The following RIMBP2 variants were observed in gnomAD, a reference collection of about 807,000 sequenced individuals.
The protein encoded by RIMBP2 is RIMS-binding protein 2.
In RIMBP2, 48 loss-of-function variants were observed where a neutral mutation model predicts 118.6. That is an observed-to-expected ratio of 0.40 (90% CI 0.32 to 0.51). The LOEUF (loss-of-function observed/expected upper bound fraction) is 0.51. RIMBP2 is among the 20% of genes least tolerant of loss of function. The probability of loss-of-function intolerance (pLI) is 0.41; values close to 1 mark genes in which losing one functional copy is unlikely to be tolerated. For missense variants in RIMBP2, 1,551 were observed against 1,768.3 expected (o/e 0.88, Z 2.20); for synonymous variants, 762 against 742.9 (o/e 1.03, Z -0.42).
Position 130,670,930 on chromosome 12 carries a change from C to T in RIMBP2, c.-351-42474G>A, listed in dbSNP as rs905978560. ...CTGGGATTACAGGTGCCCACCAGTA[C>T]GTCTCTTTTAGTAGACACGGGGTTT... On this transcript the variant is annotated intron_variant, in intron 1 of 22. Coordinates refer to ENST00000690449, the MANE Select transcript of RIMBP2 (RefSeq NM_001393629.1). This position sits in a 1 kb window ranked among gnomAD's most constrained non-coding sequence, Gnocchi z 4.9. Among the ~76,000 whole-genome samples the T allele has an allele frequency of 2.6e-5, 4 of 152,118 alleles. No homozygotes were observed. The highest frequency in any genetic ancestry group is 2.0e-4 in the Admixed American group (3 of 15,264).
At chr12:130,532,066 C>T (rs1351288212) in intron 2 of RIMBP2, among the ~76,000 whole-genome samples, 3 of 127,506 alleles carry the variant, frequency 2.4e-5, no homozygotes, top group Non-Finnish European at 1.6e-5. Flanking sequence ...CTAGGAGGTA[C>T]GTCTAATGAG....
intron 7 of RIMBP2, among the ~76,000 whole-genome samples, chr12:130,455,980 C>G (rs1332813270): frequency 6.6e-6 from 1 of 152,180 alleles, no homozygotes; most frequent in African/African-American, 2.4e-5. Flanking sequence ...CTGTGATGGG[C>G]GAGGGCTCAT....
chr12:130,496,121 T>TC (rs1287156692), intron 4 of RIMBP2, among the ~76,000 whole-genome samples: 1 of 152,168 alleles, frequency 6.6e-6, no homozygotes, highest in Non-Finnish European at 1.5e-5. Context: ...CCAAATCTCA[T>TC]CTTGAATAGT....
intron 1 of RIMBP2, among the ~76,000 whole-genome samples, chr12:130,663,114 C>T (rs923563518): frequency 1.4e-4 from 21 of 152,180 alleles, no homozygotes; most frequent in African/African-American, 4.6e-4. Flanking sequence ...GTTCTGCAGG[C>T]AGGAGGGGCC....
intron 2 of RIMBP2, among the ~76,000 whole-genome samples, chr12:130,540,622 T>C (rs779650195): frequency 2.4e-4 from 37 of 152,106 alleles, no homozygotes; most frequent in Non-Finnish European, 4.1e-4. Flanking sequence ...AGGGACCAAC[T>C]GCTTCCTGCT....
At chr12:130,546,742 G>A (rs531640336) in intron 2 of RIMBP2, among the ~76,000 whole-genome samples, 94 of 152,334 alleles carry the variant, frequency 6.2e-4, no homozygotes, top group African/African-American at 1.9e-3. Flanking sequence ...GCGCGTGGAT[G>A]TGTTAGTCAA....
rs2062871987 is a variant in RIMBP2, at chr12:130,646,058, A to ACCACTTCCCTCT, written c.-351-17603_-351-17602insAGAGGGAAGTGG. On this transcript the variant is annotated intron_variant, in intron 1 of 22. Coordinates refer to ENST00000690449, the MANE Select transcript of RIMBP2 (RefSeq NM_001393629.1). ...AGCCAGTTCCCTCTCCACCTCCCTC[A>ACCACTTCCCTCT]CCACCTGCCTCTCCACCTCCCTCAC... Among the ~76,000 whole-genome samples, 19 of 114,368 alleles carry ACCACTTCCCTCT rather than the reference A, an allele frequency of 1.7e-4. 1 individual carries two copies. The highest frequency in any genetic ancestry group is 1.2e-3 in the South Asian group (4 of 3,448). 75.0% of individuals were successfully genotyped at this position (114,368 alleles called of 152,430 possible).
chr12:130,535,599 A>G (rs1365056362), intron 2 of RIMBP2, among the ~76,000 whole-genome samples: 4 of 151,580 alleles, frequency 2.6e-5, no homozygotes, highest in Non-Finnish European at 5.9e-5. Flanking sequence ...TAATCCTTGC[A>G]ACAAGCCTGT....
chr12:130,616,430 C>G (rs1046150186), intron 2 of RIMBP2, among the ~76,000 whole-genome samples: 1 of 152,186 alleles, frequency 6.6e-6, no homozygotes, highest in Non-Finnish European at 1.5e-5. Flanking sequence ...CGGGCCAGTG[C>G]GGAATCACCT....
rs908426054 is a variant in RIMBP2, at chr12:130,422,157, C to G, written c.3238+296G>C. ...CCCTGAGTGTCCCAGGGAGCCCATG[C>G]CAGGATGAGGGAGGTGACACAAAGT... is the stretch of plus-strand genomic sequence containing the variant. On this transcript the variant is annotated intron_variant, in intron 17 of 22. Transcript: ENST00000690449. The surrounding 1 kb of genome is among the most constrained non-coding windows in gnomAD (Gnocchi z 5.2). Among the ~76,000 whole-genome samples the G allele has an allele frequency of 5.3e-5, 8 of 152,138 alleles. No homozygotes were observed. Among genetic ancestry groups the G allele is most frequent in the Non-Finnish European group, 1.2e-4 (8 of 68,028 alleles).
At chr12:130,457,221 A>C (rs1182972739) in intron 6 of RIMBP2, among the ~76,000 whole-genome samples, 1 of 152,174 alleles carries the variant, frequency 6.6e-6, no homozygotes, top group African/African-American at 2.4e-5. Context: ...GCCCCCTCGG[A>C]CTGTAGAACC....
At chr12:130,456,819 C>T (rs1347856710) in intron 6 of RIMBP2, 119 bp from the exon 7 acceptor site, 4 of 695,452 alleles carry the variant, frequency 5.8e-6, no homozygotes, top group Non-Finnish European at 9.5e-6. Flanking sequence ...TGTGTACACA[C>T]GTGTTGTGTC....
intron 1 of RIMBP2, among the ~76,000 whole-genome samples, chr12:130,645,478 G>A (rs968225946): frequency 1.3e-5 from 2 of 152,264 alleles, no homozygotes; most frequent in East Asian, 1.9e-4. Context: ...ATGTGATATC[G>A]GGTTAACCAG....
At chr12:130,453,961 G>A (rs2079205832) in intron 7 of RIMBP2, among the ~76,000 whole-genome samples, 1 of 152,192 alleles carries the variant, frequency 6.6e-6, no homozygotes, top group South Asian at 2.1e-4. Context: ...GGCTGAGGCA[G>A]GAGAATCGCT....
chr12:130,451,730 G>A (rs541130331), intron 7 of RIMBP2, among the ~76,000 whole-genome samples: 2 of 151,566 alleles, frequency 1.3e-5, no homozygotes, highest in African/African-American at 4.9e-5. Context: ...TGAGGACGGC[G>A]CCTGCTCACA....
intron 1 of RIMBP2, among the ~76,000 whole-genome samples, chr12:130,644,700 C>T (rs933279270): frequency 4.6e-5 from 7 of 152,158 alleles, no homozygotes; most frequent in Admixed American, 6.5e-5. Flanking sequence ...CGAGTGACGT[C>T]GGAAAAGCCA....
In RIMBP2 at chr12:130,580,376, C is replaced by T. The variant is rs571073421; in HGVS notation, c.-217+47946G>A. Among the ~76,000 whole-genome samples, 9 of 152,176 alleles carry T rather than the reference C, an allele frequency of 5.9e-5. 1 individual carries two copies. The South Asian group carries it at 1.9e-3, about 32-fold the overall frequency. On this transcript the variant is annotated intron_variant, in intron 2 of 22. Transcript: ENST00000690449. The stretch of plus-strand genomic sequence containing the variant: ...GTGGTGAATAAGTCTCATGAGGTCT[C>T]ATGGTTTTATGAAAGGGCAGTTCCC...
rs1414468840 is a variant in RIMBP2, at chr12:130,420,559, A to G, written c.3238+1894T>C. ...TGGGAAGGGTTTTTATGATACTAAT[A>G]AAACTTTAAAGCTTCTCACTGCTGA... On this transcript the variant is annotated intron_variant, in intron 17 of 22. Transcript: ENST00000690449. This position sits in a 1 kb window ranked among gnomAD's most constrained non-coding sequence, Gnocchi z 4.3. 6.6e-6 allele frequency among the ~76,000 whole-genome samples: 1 copy of G among 152,242 alleles called. No individual in the cohort carries two copies. Among genetic ancestry groups the G allele is most frequent in the East Asian group, 1.9e-4 (1 of 5,200 alleles).
At chr12:130,615,457 C>T (rs560696966) in intron 2 of RIMBP2, among the ~76,000 whole-genome samples, 4 of 151,642 alleles carry the variant, frequency 2.6e-5, no homozygotes, top group Non-Finnish European at 4.4e-5. Flanking sequence ...ATTACAGGCA[C>T]CTGCCACCAC....
Sources: gnomAD v4.1 joint callset for allele counts (sites outside exome capture counted in the v4.1 genomes callset) on GRCh38, gnomAD v4.1.1 for gene constraint, Gnocchi (gnomAD v3.1) non-coding constraint, MANE v1.5 for transcripts, NCBI Gene and HGNC (gene_info 2026-07-23, HGNC 2026-07-21) for gene names.